PTPRN2: variants seen among roughly 807,000 people sequenced by gnomAD.
PTPRN2 encodes the protein protein tyrosine phosphatase receptor type N2, also known as receptor-type tyrosine-protein phosphatase N2.
Under a neutral mutation model 118.8 loss-of-function variants are expected in PTPRN2, and 74 were observed. The ratio of observed to expected loss-of-function variants is 0.62; its 90% CI spans 0.52 to 0.76. PTPRN2 has a LOEUF of 0.76. Ranked by LOEUF, PTPRN2 falls within the 30% of genes least tolerant of loss-of-function variation. The probability of loss-of-function intolerance (pLI) is 0.00; values close to 1 mark genes in which losing one functional copy is unlikely to be tolerated. For synonymous variants in PTPRN2, 641 were observed against 608.0 expected (o/e 1.05, Z -0.80); for missense variants, 1,481 against 1,394.4 (o/e 1.06, Z -0.99).
intron 12 of PTPRN2, among the ~76,000 whole-genome samples, chr7:157,827,987 C>T (rs1344734904): frequency 6.6e-6 from 1 of 152,222 alleles, no homozygotes; most frequent in Non-Finnish European, 1.5e-5. Context: ...TGGAGGGTCC[C>T]TCAGACGGCA....
At chr7:158,303,759 A>G (rs528429797) in intron 3 of PTPRN2, among the ~76,000 whole-genome samples, 13 of 152,368 alleles carry the variant, frequency 8.5e-5, no homozygotes, top group Non-Finnish European at 4.4e-5. Flanking sequence ...ATCAATTCAG[A>G]ATCTTTGAAG....
intron 3 of PTPRN2, among the ~76,000 whole-genome samples, chr7:158,316,044 C>G (rs890846524): frequency 6.6e-6 from 1 of 152,192 alleles, no homozygotes. Context: ...CAGTCAGCCA[C>G]CACAAAGACC....
intron 2 of PTPRN2, among the ~76,000 whole-genome samples, chr7:158,324,148 C>G (rs143710145): frequency 6.6e-6 from 1 of 152,144 alleles, no homozygotes; most frequent in Non-Finnish European, 1.5e-5. Flanking sequence ...CACACGCGTA[C>G]GCTCACACAC....
chr7:158,432,887 G>A (rs973074009), intron 2 of PTPRN2, among the ~76,000 whole-genome samples: 1 of 152,152 alleles, frequency 6.6e-6, no homozygotes, highest in Non-Finnish European at 1.5e-5. Flanking sequence ...GGGGGAAGAG[G>A]CCCCGCGCCC....
chr7:157,647,001 C>T (rs1401428461), intron 14 of PTPRN2, among the ~76,000 whole-genome samples: 17 of 146,692 alleles, frequency 1.2e-4, no homozygotes, highest in African/African-American at 4.4e-4. Flanking sequence ...CTCGGTGGGT[C>T]GGACCCATTC....
Position 157,987,385 on chromosome 7 carries a change from C to T in PTPRN2, c.1724-88648G>A, listed in dbSNP as rs930291. Reference sequence around the variant, plus strand: ...TGGGGGTGAGACAACCGGTCACTAACGGGGGCAATATGACCCCTCACTAAT... The same window carrying T: ...TGGGGGTGAGACAACCGGTCACTAATGGGGGCAATATGACCCCTCACTAAT... On this transcript the variant is annotated intron_variant, in intron 11 of 22. Transcript: ENST00000389418. This position sits in a 1 kb window ranked among gnomAD's most constrained non-coding sequence, Gnocchi z 4.3. Among the ~76,000 whole-genome samples, 43,550 of 150,278 alleles carry T rather than the reference C, an allele frequency of 0.29. 7,495 individuals carry two copies. The highest frequency in any genetic ancestry group is 0.4 in the Non-Finnish European group (26,873 of 67,558).
intron 2 of PTPRN2, among the ~76,000 whole-genome samples, chr7:158,452,793 C>T (rs965905873): frequency 6.6e-6 from 1 of 152,232 alleles, no homozygotes; most frequent in Non-Finnish European, 1.5e-5. Flanking sequence ...TTAGAAGTGG[C>T]ACATTTGGGG....
intron 2 of PTPRN2, among the ~76,000 whole-genome samples, chr7:158,351,214 A>AC (rs1458640195): frequency 6.6e-6 from 1 of 152,058 alleles, no homozygotes; most frequent in African/African-American, 2.4e-5. Flanking sequence ...ACCTCCACCC[A>AC]CCCCCAGGGG....
intron 2 of PTPRN2, among the ~76,000 whole-genome samples, chr7:158,450,956 T>A (rs1818056751): frequency 6.6e-6 from 1 of 152,180 alleles, no homozygotes; most frequent in Admixed American, 6.5e-5. Context: ...GCTCAGAGGT[T>A]GTGTATCACA....
chr7:158,450,913 C>T lies in PTPRN2; in HGVS notation c.163+38822G>A, dbSNP rs564919982. Reference sequence around the variant, plus strand: ...AAACACACCTCTCCACATTCCAGCACACCTGCCCACCTGCTGTCCAAGCCC... The same window carrying T: ...AAACACACCTCTCCACATTCCAGCATACCTGCCCACCTGCTGTCCAAGCCC... On this transcript the variant is annotated intron_variant, in intron 2 of 22. Transcript: ENST00000389418. Among the ~76,000 whole-genome samples, 52 of 152,182 alleles carry T rather than the reference C, an allele frequency of 3.4e-4. 1 individual carries two copies. Among genetic ancestry groups the T allele is most frequent in the Admixed American group, 2.0e-3 (31 of 15,280 alleles).
At chr7:158,293,956 TGTGA>T (rs1467837681) in intron 3 of PTPRN2, among the ~76,000 whole-genome samples, 25 of 152,338 alleles carry the variant, frequency 1.6e-4, no homozygotes, top group Non-Finnish European at 2.8e-4. Flanking sequence ...CCTGAGTCTG[TGTGA>T]GTGTTAGTTT....
At chr7:158,067,100 G>A (rs537927493) in intron 11 of PTPRN2, among the ~76,000 whole-genome samples, 1 of 152,328 alleles carries the variant, frequency 6.6e-6, no homozygotes, top group South Asian at 2.1e-4. Context: ...TGTAGTTACT[G>A]TTCAGGTTAC....
chr7:158,392,676 G>A (rs780537461), intron 2 of PTPRN2, among the ~76,000 whole-genome samples: 8 of 152,132 alleles, frequency 5.3e-5, no homozygotes, highest in East Asian at 3.9e-4. Flanking sequence ...CACCAACTGC[G>A]AAGACACAAA....
intron 3 of PTPRN2, among the ~76,000 whole-genome samples, chr7:158,273,815 G>A (rs113095336): frequency 0.029 from 1,436 of 49,444 alleles, 53 homozygotes; most frequent in African/African-American, 0.096. Context: ...AGGGGGAGCC[G>A]CAGGCATGGG....
intron 2 of PTPRN2, among the ~76,000 whole-genome samples, chr7:158,421,189 C>T (rs1815215968): frequency 6.6e-6 from 1 of 152,166 alleles, no homozygotes; most frequent in African/African-American, 2.4e-5. Flanking sequence ...TGGTGGTCCC[C>T]TGGTGCACCT....
chr7:158,193,149 T>C (rs1004632915), intron 4 of PTPRN2, among the ~76,000 whole-genome samples: 1 of 152,130 alleles, frequency 6.6e-6, no homozygotes, highest in Non-Finnish European at 1.5e-5. Context: ...GACAAACACA[T>C]GGGACGCTTC....
chr7:158,061,930 T>G (rs1466131474), intron 11 of PTPRN2, among the ~76,000 whole-genome samples: 1 of 152,266 alleles, frequency 6.6e-6, no homozygotes, highest in East Asian at 1.9e-4. Flanking sequence ...CAATCCAGTA[T>G]GACAGTTTTT....
intron 13 of PTPRN2, among the ~76,000 whole-genome samples, chr7:157,668,464 T>C (rs1262042609): frequency 1.3e-5 from 2 of 152,148 alleles, no homozygotes; most frequent in African/African-American, 4.8e-5. Context: ...TTAGGGTTAT[T>C]TCGAGAGTGT....
At chr7:158,502,331 C>T (rs554097169) in intron 1 of PTPRN2, among the ~76,000 whole-genome samples, 2 of 152,346 alleles carry the variant, frequency 1.3e-5, no homozygotes, top group Admixed American at 6.5e-5. Context: ...TACAAAAAAA[C>T]TTAGCCAACT....
Sources: allele counts gnomAD v4.1 joint callset (sites outside exome capture counted in the v4.1 genomes callset), GRCh38; gene constraint gnomAD v4.1.1; non-coding constraint Gnocchi (gnomAD v3.1); transcripts MANE v1.5; gene names NCBI Gene and HGNC (gene_info 2026-07-23, HGNC 2026-07-21).